ADORA1: variants seen among roughly 807,000 people sequenced by gnomAD.
ADORA1 encodes the protein adenosine receptor A1.
ADORA1 carries 6 observed loss-of-function variants against 19.9 expected under a neutral mutation model. That is an observed-to-expected ratio of 0.30 (90% confidence interval 0.17 to 0.59). ADORA1 has a LOEUF of 0.59. Ranked by LOEUF, ADORA1 falls within the 20% of genes least tolerant of loss-of-function variation. The pLI, the probability that ADORA1 is intolerant of heterozygous loss-of-function variation, is 0.87. For missense variants in ADORA1, 302 were observed against 439.2 expected (o/e 0.69, Z 2.79); for synonymous variants, 194 against 188.4 (o/e 1.03, Z -0.24).
chr1:203,132,464 A>G (rs947908838), intron 3 of ADORA1, among the ~76,000 whole-genome samples: 3 of 151,928 alleles, frequency 2.0e-5, no homozygotes, highest in Admixed American at 6.6e-5. Context: ...CTGAGTTTGA[A>G]CCTTGCTCTG....
At position 203,137,224 on chromosome 1, in the gene ADORA1, T is replaced by C. The variant is rs117679781; in HGVS notation, c.341+8042T>C. ...ACACCATGCAGATATAGGGAGGGCATGCCATGCAGGGGAAAGAACTAGAAC... is the reference window on the plus strand; with the variant it reads ...ACACCATGCAGATATAGGGAGGGCACGCCATGCAGGGGAAAGAACTAGAAC... On this transcript the variant is annotated intron_variant, in intron 3 of 3. Transcript: ENST00000337894. Among the ~76,000 whole-genome samples, 146 of 152,258 alleles carry C rather than the reference T, an allele frequency of 9.6e-4. 2 individuals carry two copies. In the East Asian group the frequency reaches 0.016, roughly 17 times the overall value.
intron 3 of ADORA1, among the ~76,000 whole-genome samples, chr1:203,141,168 A>AGGGCTGGGATGGGGGAGCCCCT: frequency 6.6e-6 from 1 of 152,256 alleles, no homozygotes; most frequent in African/African-American, 2.4e-5. Flanking sequence ...GGGGAGCCCC[A>AGGGCTGGGATGGGGGAGCCCCT]GGGCTGGCAT....
intron 3 of ADORA1, among the ~76,000 whole-genome samples, chr1:203,142,099 G>GT (rs1654714198): frequency 6.6e-6 from 1 of 152,154 alleles, no homozygotes; most frequent in Non-Finnish European, 1.5e-5. Flanking sequence ...AGCAGGATTC[G>GT]TAATACCTCC....
intron 3 of ADORA1, among the ~76,000 whole-genome samples, chr1:203,130,102 T>C (rs972925596): frequency 2.6e-5 from 4 of 152,230 alleles, no homozygotes; most frequent in African/African-American, 9.6e-5. Flanking sequence ...TTTGAATTCT[T>C]GCCCCCAGTA....
rs1231550931 is a variant in ADORA1 at position 203,165,749 on chromosome 1, C to T, written c.830C>T (p.Thr277Met). The change falls in exon 4 of 4, where the codon ACG becomes ATG. Residue 277 changes from threonine (T) to methionine (M), a missense_variant. Physicochemically the swap from Thr to Met is moderately conservative, Grantham distance 81 (BLOSUM62 -1). Transcript: ENST00000337894. This position sits in a 1 kb window ranked among gnomAD's most constrained non-coding sequence, Gnocchi z 5.9. ...CTTACCTACATTGCCATCTTCCTCA[C>T]GCACGGCAACTCGGCCATGAACCCC... is the stretch of plus-strand genomic sequence containing the variant. ...SILTYIAIFL[T>M]HGNSAMNPIV... 9 of 1,613,894 alleles carry T rather than the reference C, an allele frequency of 5.6e-6. No homozygotes were observed. The highest frequency in any genetic ancestry group is 7.6e-6 in the Non-Finnish European group (9 of 1,179,808).
chr1:203,128,742 T>G lies in ADORA1; in HGVS notation c.-57-43T>G. ...CAGGGCAGCCTGAGCTCCCTGCCCC[T>G]CCCAGACGGGTCTCCCCATCCCAGG... On this transcript the variant is annotated intron_variant, in intron 2 of 3. Coordinates refer to ENST00000337894, the MANE Select transcript of ADORA1 (RefSeq NM_000674.3). This position sits in a 1 kb window ranked among gnomAD's most constrained non-coding sequence, Gnocchi z 5.9. 3 of 1,509,254 alleles carry G rather than the reference T, an allele frequency of 2.0e-6. No individual in the cohort carries two copies. 93.5% of individuals were successfully genotyped at this position (1,509,254 alleles called of 1,614,324 possible). A position where few individuals can be genotyped will look rare whatever the true frequency, so the allele number is the denominator to read the frequency against.
chr1:203,148,771 G>A (rs1045310726), intron 3 of ADORA1, among the ~76,000 whole-genome samples: 4 of 152,120 alleles, frequency 2.6e-5, no homozygotes, highest in African/African-American at 7.2e-5. Context: ...GTTCCCCCAC[G>A]TGCCCTCTGT....
At chr1:203,145,505 CAGAAG>C (rs1654831211) in intron 3 of ADORA1, among the ~76,000 whole-genome samples, 2 of 152,232 alleles carry the variant, frequency 1.3e-5, no homozygotes, top group South Asian at 4.1e-4. Flanking sequence ...CAGGGGCTGA[CAGAAG>C]GGAAGGGGCG....
At chr1:203,164,128 C>T (rs1655458346) in intron 3 of ADORA1, among the ~76,000 whole-genome samples, 2 of 152,204 alleles carry the variant, frequency 1.3e-5, no homozygotes, top group Admixed American at 1.3e-4. Context: ...GATATGAAAA[C>T]GCCCAACCCT....
intron 3 of ADORA1, among the ~76,000 whole-genome samples, chr1:203,149,559 T>G (rs1558133312): frequency 6.6e-6 from 1 of 152,170 alleles, no homozygotes; most frequent in Admixed American, 6.5e-5. Flanking sequence ...GGTCTTGCAG[T>G]TGGAGGAAGT....
At chr1:203,163,573 C>T (rs1655438448) in intron 3 of ADORA1, among the ~76,000 whole-genome samples, 1 of 152,120 alleles carries the variant, frequency 6.6e-6, no homozygotes, top group Non-Finnish European at 1.5e-5. Context: ...GGAACTGCTC[C>T]AAAGGTGTTG....
Position 203,129,169 on chromosome 1 carries a change from A to G in ADORA1, c.328A>G (p.Lys110Glu). The G allele has an allele frequency of 6.2e-7, 1 of 1,611,722 alleles. No homozygotes were observed. The highest frequency in any genetic ancestry group is 8.5e-7 in the Non-Finnish European group (1 of 1,178,592). The change falls in exon 3 of 4, where the codon AAG becomes GAG. Residue 110 changes from lysine to glutamate, a missense_variant. Physicochemically the swap from Lys to Glu is moderately conservative, Grantham distance 56. Transcript: ENST00000337894. Reference protein sequence around the residue: ...AIAVDRYLRVKIPLRYKMVVT... With the variant: ...AIAVDRYLRVEIPLRYKMVVT... ...TGCTGTGGACCGCTACCTCCGGGTCAAGATCCCTCTCCGGTGAGTCCACAG... is the reference window on the plus strand; with the variant it reads ...TGCTGTGGACCGCTACCTCCGGGTCGAGATCCCTCTCCGGTGAGTCCACAG...
intron 3 of ADORA1, among the ~76,000 whole-genome samples, chr1:203,132,747 T>TGAGACAG (rs1162457565): frequency 6.6e-6 from 1 of 152,198 alleles, no homozygotes; most frequent in Admixed American, 6.5e-5. Context: ...CTTGGGAGGC[T>TGAGACAG]GAGACAGGAG....
At chr1:203,158,309 A>T (rs1655257880) in intron 3 of ADORA1, among the ~76,000 whole-genome samples, 1 of 152,226 alleles carries the variant, frequency 6.6e-6, no homozygotes, top group Admixed American at 6.5e-5. Context: ...ACACAGACAC[A>T]ATTCCACCAA....
chr1:203,144,392 T>C (rs1020463343), intron 3 of ADORA1, among the ~76,000 whole-genome samples: 1 of 152,226 alleles, frequency 6.6e-6, no homozygotes, highest in Non-Finnish European at 1.5e-5. Flanking sequence ...GTGACGCTTG[T>C]GTGCTTAGGA....
chr1:203,148,767 C>T lies in ADORA1; in HGVS notation c.342-16494C>T, dbSNP rs76510469. Among the ~76,000 whole-genome samples the T allele has an allele frequency of 2.1e-3, 322 of 152,324 alleles. 7 individuals carry two copies. The East Asian group carries it at 0.023, about 11-fold the overall frequency. On this transcript the variant is annotated intron_variant, in intron 3 of 3. Transcript: ENST00000337894. ...AGGAAGCCACTCTATGCCTGTTCCC[C>T]CACGTGCCCTCTGTGCCACTGCTCA... is the stretch of plus-strand genomic sequence containing the variant.
chr1:203,138,411 G>C (rs1379559243), intron 3 of ADORA1, among the ~76,000 whole-genome samples: 1 of 152,188 alleles, frequency 6.6e-6, no homozygotes, highest in Non-Finnish European at 1.5e-5. Context: ...AGATACAGAA[G>C]AGAGGAAGAC....
chr1:203,160,062 C>T lies in ADORA1; in HGVS notation c.342-5199C>T, dbSNP rs1378620013. On this transcript the variant is annotated intron_variant, in intron 3 of 3. Transcript: ENST00000337894. ...CCAAGCTTCCATCCCCCAATCCTCA[C>T]GTGTTCTCCATCTCCCAGAGTGGCA... Among the ~76,000 whole-genome samples the T allele has an allele frequency of 2.6e-5, 4 of 152,248 alleles. No individual in the cohort carries two copies. The East Asian group carries it at 5.8e-4, about 22-fold the overall frequency.
chr1:203,164,192 A>G (rs1655460596), intron 3 of ADORA1, among the ~76,000 whole-genome samples: 1 of 152,268 alleles, frequency 6.6e-6, no homozygotes, highest in Admixed American at 6.5e-5. Flanking sequence ...TTTGTGGGTC[A>G]TGACCTGAAA....
Sources: gnomAD v4.1 joint callset for allele counts (sites outside exome capture counted in the v4.1 genomes callset) on GRCh38, gnomAD v4.1.1 for gene constraint, Gnocchi (gnomAD v3.1) non-coding constraint, MANE v1.5 for transcripts, NCBI Gene and HGNC (gene_info 2026-07-23, HGNC 2026-07-21) for gene names.